Variants in CEP83 observed in about 807,000 individuals in gnomAD.
CEP83 encodes centrosomal protein 83, also known as centrosomal protein of 83 kDa.
A neutral mutation model predicts 101.9 loss-of-function variants in CEP83; 70 were observed. The observed-to-expected ratio is 0.69, with a 90% CI of 0.57 to 0.84. The LOEUF (loss-of-function observed/expected upper bound fraction) is 0.84, where lower values mean the gene tolerates loss of function less well. Among genes scored for constraint, CEP83 ranks in the 40% least tolerant of loss-of-function variants. The pLI is 0.00. For missense variants in CEP83, 715 were observed against 787.2 expected, an observed-to-expected ratio of 0.91 and a Z score of 1.10; for synonymous variants, 264 against 267.9, an observed-to-expected ratio of 0.99 and a Z score of 0.14.
the CEP83 span, chr12:94,279,621 T>C: frequency 6.2e-7 from 1 of 1,614,250 alleles, no homozygotes; most frequent in Admixed American, 1.7e-5. Flanking sequence ...GCTCTCCTTA[T>C]GGACTTCAGC....
intron 11 of CEP83, among the ~76,000 whole-genome samples, chr12:94,356,036 G>T (rs899877106): frequency 6.6e-6 from 1 of 151,766 alleles, no homozygotes; most frequent in African/African-American, 2.4e-5. Context: ...CTCTAGTGCC[G>T]CTGGGTTAGG....
chr12:94,364,916 A>T (rs889460271), intron 11 of CEP83, among the ~76,000 whole-genome samples: 5 of 152,200 alleles, frequency 3.3e-5, no homozygotes, highest in Admixed American at 2.0e-4. Context: ...GAAACCATAC[A>T]AGCAAAAAGA....
chr12:94,434,727 C>T (rs941026400), intron 2 of CEP83, among the ~76,000 whole-genome samples: 5 of 152,076 alleles, frequency 3.3e-5, no homozygotes, highest in African/African-American at 1.2e-4. Context: ...GGGGATGGGA[C>T]GCAAGTCTAA....
At chr12:94,449,069 T>C (rs555756623) in intron 1 of CEP83, among the ~76,000 whole-genome samples, 2 of 135,684 alleles carry the variant, frequency 1.5e-5, no homozygotes, top group South Asian at 2.4e-4. Context: ...AAATAAGAGA[T>C]ACAAATTACC....
the CEP83 span, chr12:94,277,235 C>G: frequency 1.3e-5 from 2 of 152,136 alleles, no homozygotes; most frequent in African/African-American, 4.8e-5. Context: ...TCTGAGGCCT[C>G]TTTTATAAGG....
At chr12:94,424,740 G>T (rs1415764149) in intron 2 of CEP83, 1 of 1,611,352 alleles carries the variant, frequency 6.2e-7, no homozygotes, top group African/African-American at 1.3e-5. Context: ...CCATATGGCT[G>T]ACACAGCTTG....
At chr12:94,265,773 C>G in the CEP83 span, among the ~76,000 whole-genome samples, 1 of 152,160 alleles carries the variant, frequency 6.6e-6, no homozygotes, top group Non-Finnish European at 1.5e-5. Context: ...CGCTGTAAAT[C>G]ACTACAGGAA....
intron 5 of CEP83, among the ~76,000 whole-genome samples, chr12:94,401,581 C>G (rs77684601): frequency 0.045 from 6,903 of 152,180 alleles, 214 homozygotes; most frequent in Non-Finnish European, 0.072. Flanking sequence ...GAATACCCAA[C>G]AAGAAACTCA....
chr12:94,395,764 T>G (rs574686908), intron 6 of CEP83, among the ~76,000 whole-genome samples: 2 of 152,272 alleles, frequency 1.3e-5, no homozygotes, highest in South Asian at 4.1e-4. Flanking sequence ...GAGCTTGCAG[T>G]GAGCCAAGAT....
At chr12:94,412,291 C>A (rs776150574) in intron 3 of CEP83, 27 bp downstream of exon 3, 26 of 1,559,586 alleles carry the variant, frequency 1.7e-5, no homozygotes, top group South Asian at 8.5e-5. Context: ...TAAAACCAAA[C>A]CCCACTTCTA....
chr12:94,389,413 G>C (rs2137348825), intron 6 of CEP83, among the ~76,000 whole-genome samples: 1 of 152,220 alleles, frequency 6.6e-6, no homozygotes, highest in African/African-American at 2.4e-5. Flanking sequence ...TAAGTATTTT[G>C]CACATTAAGT....
At chr12:94,290,625 C>A in the CEP83 span, among the ~76,000 whole-genome samples, 1 of 152,244 alleles carries the variant, frequency 6.6e-6, no homozygotes, top group Non-Finnish European at 1.5e-5. Flanking sequence ...AGGGCTGGCT[C>A]TTGCTCTGTG....
chr12:94,379,418 CTG>C (rs1444682490), intron 6 of CEP83, among the ~76,000 whole-genome samples: 4 of 152,156 alleles, frequency 2.6e-5, no homozygotes, highest in Non-Finnish European at 4.4e-5. Flanking sequence ...CCTCACATGA[CTG>C]TAATTCTTGA....
chr12:94,266,694 A>C, the CEP83 span, among the ~76,000 whole-genome samples: 2 of 152,178 alleles, frequency 1.3e-5, no homozygotes, highest in African/African-American at 4.8e-5. Flanking sequence ...AAACCTCTCT[A>C]TGCCTCATTC....
At chr12:94,270,394 G>T in the CEP83 span, among the ~76,000 whole-genome samples, 52 of 152,280 alleles carry the variant, frequency 3.4e-4, no homozygotes, top group African/African-American at 1.2e-3. Flanking sequence ...ATACTTTCTG[G>T]CCCTTTGCAG....
chr12:94,350,564 T>G (rs907347445), intron 11 of CEP83, among the ~76,000 whole-genome samples: 16 of 152,102 alleles, frequency 1.1e-4, no homozygotes, highest in African/African-American at 3.9e-4. Context: ...GAATTTGATT[T>G]GATAATGATT....
intron 11 of CEP83, among the ~76,000 whole-genome samples, chr12:94,350,612 C>T (rs764668495): frequency 6.7e-6 from 1 of 150,266 alleles, no homozygotes; most frequent in Non-Finnish European, 1.5e-5. Flanking sequence ...GCAATAACAA[C>T]AACAACAAAA....
chr12:94,331,439 T>C (rs2059215943), intron 14 of CEP83, among the ~76,000 whole-genome samples: 1 of 128,792 alleles, frequency 7.8e-6, no homozygotes, highest in African/African-American at 2.9e-5. Context: ...CGATCTCGGC[T>C]CACTATAAGC....
Position 94,367,821 on chromosome 12 carries a change from A to G in CEP83, c.1316T>C (p.Ile439Thr), listed in dbSNP as rs895275716. ...AACACTCTGAAGCTCCTTCCTGGTG[A>G]TCTCTTCTGCCATCTGTGAAGCCCG... ...KLRASQMAEE[I>T]TRKELQSVRL... Residue 439 changes from isoleucine (I) to threonine (T), a missense_variant, in exon 11 of 17, where the codon ATC becomes ACC. Ile to Thr is a moderately conservative substitution (Grantham distance 89). Transcript: ENST00000397809. 6.2e-7 allele frequency: 1 copy of G among 1,612,542 alleles called. No individual in the cohort carries two copies. Among genetic ancestry groups the G allele is most frequent in the Admixed American group, 1.7e-5 (1 of 59,798 alleles).
Sources: gnomAD v4.1 joint callset for allele counts (sites outside exome capture counted in the v4.1 genomes callset) on GRCh38, gnomAD v4.1.1 for gene constraint, MANE v1.5 for transcripts, NCBI Gene and HGNC (gene_info 2026-07-23, HGNC 2026-07-21) for gene names.